The following DLG1 variants were observed in gnomAD, a reference collection of about 807,000 sequenced individuals.
DLG1 encodes discs large MAGUK scaffold protein 1.
DLG1 carries 42 observed loss-of-function variants against 123.4 expected under a neutral mutation model. That is an observed-to-expected ratio of 0.34 (90% CI 0.27 to 0.44). The LOEUF (loss-of-function observed/expected upper bound fraction) is 0.44, where lower values mean the gene tolerates loss of function less well. DLG1 is among the 20% of genes least tolerant of loss of function. The pLI, the probability that DLG1 is intolerant of heterozygous loss-of-function variation, is 1.00. For synonymous variants in DLG1, 317 were observed against 356.2 expected, an observed-to-expected ratio of 0.89 and a Z score of 1.24; for missense variants, 942 against 1,082.6, an observed-to-expected ratio of 0.87 and a Z score of 1.82.
intron 4 of DLG1, among the ~76,000 whole-genome samples, chr3:197,270,493 T>C (rs1028030043): frequency 4.6e-5 from 7 of 152,070 alleles, no homozygotes; most frequent in Non-Finnish European, 8.8e-5. Context: ...CAGAAGTTCA[T>C]CCCTAGTTGA....
rs147473394 is a variant in DLG1, at chr3:197,191,374, G to A, written c.483+3051C>T. ...TAGAATGAGCATTTTAGGCAACAAC[G>A]GAAAGCTGAGGTTTCATGAGATTTA... On this transcript the variant is annotated intron_variant, in intron 5 of 24. Coordinates refer to ENST00000667157, the MANE Select transcript of DLG1 (RefSeq NM_001366207.1). Among the ~76,000 whole-genome samples the A allele has an allele frequency of 3.3e-3, 498 of 152,176 alleles. 4 individuals carry two copies. In the Middle Eastern group the frequency reaches 0.037, roughly 11 times the overall value.
chr3:197,165,890 A>C (rs1801158037), intron 5 of DLG1, among the ~76,000 whole-genome samples: 1 of 152,240 alleles, frequency 6.6e-6, no homozygotes, highest in Non-Finnish European at 1.5e-5. Flanking sequence ...AGAGAAGTAA[A>C]CAATATAAGG....
At position 197,149,802 on chromosome 3, in the gene DLG1, A is replaced by C; in HGVS notation, c.484-6T>G. 3.8e-6 allele frequency: 6 copies of C among 1,567,100 alleles called. No individual in the cohort carries two copies. Among genetic ancestry groups the C allele is most frequent in the Non-Finnish European group, 5.3e-6 (6 of 1,140,844 alleles). On this transcript the variant is annotated splice_region_variant and splice_polypyrimidine_tract_variant and intron_variant, in intron 5 of 24. Transcript: ENST00000667157. The stretch of plus-strand genomic sequence containing the variant: ...AGTACTGGGGGAGGATTTGCCTTTA[A>C]GAAGAAATTGTAAATGTGTTAACAA...
Position 197,193,555 on chromosome 3 carries a change from G to A in DLG1, c.483+870C>T, listed in dbSNP as rs1720793073. Among the ~76,000 whole-genome samples, 6 of 152,024 alleles carry A rather than the reference G, an allele frequency of 3.9e-5. No homozygotes were observed. The South Asian group carries it at 1.2e-3, about 31-fold the overall frequency. On this transcript the variant is annotated intron_variant, in intron 5 of 24. Coordinates refer to ENST00000667157, the MANE Select transcript of DLG1 (RefSeq NM_001366207.1). Reference sequence around the variant, plus strand: ...TCCATCAAAAGTAAAATAAATTGTAGTATATTCATAAAATAGAAAACTCTA... The same window carrying A: ...TCCATCAAAAGTAAAATAAATTGTAATATATTCATAAAATAGAAAACTCTA...
chr3:197,219,167 A>C (rs185476679), intron 4 of DLG1, among the ~76,000 whole-genome samples: 182 of 152,206 alleles, frequency 1.2e-3, no homozygotes, highest in African/African-American at 4.2e-3. Context: ...ATTAAAACTC[A>C]GATTACCAAA....
intron 5 of DLG1, among the ~76,000 whole-genome samples, chr3:197,178,987 G>C (rs142294692): frequency 6.6e-6 from 1 of 152,316 alleles, no homozygotes; most frequent in African/African-American, 2.4e-5. Context: ...AGAAGTTCTT[G>C]AACAACCAAA....
intron 5 of DLG1, among the ~76,000 whole-genome samples, chr3:197,174,362 CAA>C (rs1179214511): frequency 2.0e-5 from 3 of 152,076 alleles, no homozygotes; most frequent in Admixed American, 6.5e-5. Flanking sequence ...AACAAGGAAA[CAA>C]GATATACATA....
chr3:197,297,453 G>A (rs1338521909), intron 1 of DLG1: 8 of 1,370,564 alleles, frequency 5.8e-6, no homozygotes, highest in Non-Finnish European at 6.6e-6. Context: ...GACAGAAGTC[G>A]GCTTCCAAAC....
At chr3:197,158,658 GC>G (rs1448359936) in intron 5 of DLG1, among the ~76,000 whole-genome samples, 52 of 56,460 alleles carry the variant, frequency 9.2e-4, no homozygotes, top group Non-Finnish European at 1.5e-3. Context: ...AAAAAAAAAA[GC>G]CCAGAGGCAG....
At position 197,043,557 on chromosome 3, in the gene DLG1, A is replaced by C. The variant is rs578101798; in HGVS notation, c.*1066T>G. ...AAAAGTTAGGAGTAGGTGGCAAAAGAAACAAAATATATTTTAAATATATAT... is the reference window on the plus strand; with the variant it reads ...AAAAGTTAGGAGTAGGTGGCAAAAGCAACAAAATATATTTTAAATATATAT... On this transcript the variant is annotated 3_prime_UTR_variant, in exon 25 of 25. Transcript: ENST00000667157. 19 of 152,058 alleles carry C rather than the reference A, an allele frequency of 1.2e-4. No homozygotes were observed. In the East Asian group the frequency reaches 1.3e-3, roughly 11 times the overall value. 9.4% of individuals were successfully genotyped at this position (152,058 alleles called of 1,614,324 possible). A position where few individuals can be genotyped will look rare whatever the true frequency, so the allele number is the denominator to read the frequency against.
At chr3:197,078,132 C>T (rs556911670) in intron 17 of DLG1, among the ~76,000 whole-genome samples, 2 of 122,238 alleles carry the variant, frequency 1.6e-5, no homozygotes, top group Admixed American at 1.8e-4. Context: ...GGCAACATGG[C>T]GAAACCCCAT....
chr3:197,126,506 T>C (rs1016048065), intron 11 of DLG1, among the ~76,000 whole-genome samples: 2 of 151,760 alleles, frequency 1.3e-5, no homozygotes, highest in African/African-American at 4.8e-5. Context: ...AGGGCACTAA[T>C]ACTCAATTCG....
chr3:197,148,587 A>C (rs1792310893), intron 6 of DLG1, among the ~76,000 whole-genome samples: 1 of 152,126 alleles, frequency 6.6e-6, no homozygotes, highest in Non-Finnish European at 1.5e-5. Flanking sequence ...CAATGCGGAA[A>C]GAATAGTCTT....
At position 197,066,692 on chromosome 3, in the gene DLG1, G is replaced by C. The variant is rs1739836933; in HGVS notation, c.2098+12C>G. On this transcript the variant is annotated intron_variant, in intron 20 of 24. Transcript: ENST00000667157. The stretch of plus-strand genomic sequence containing the variant: ...TCTAGAAGGTTATAAAACATCAATA[G>C]GCTTCACAAACCTTCTTGTTGATTC... 1.9e-6 allele frequency: 3 copies of C among 1,581,998 alleles called. No homozygotes were observed. The highest frequency in any genetic ancestry group is 2.6e-6 in the Non-Finnish European group (3 of 1,154,362).
chr3:197,237,008 AAAC>A (rs552515091), intron 4 of DLG1, among the ~76,000 whole-genome samples: 171 of 152,338 alleles, frequency 1.1e-3, no homozygotes, highest in African/African-American at 3.2e-3. Context: ...CAAAAAACAA[AAAC>A]AACCCACAAT....
In DLG1 at chr3:197,282,660, AAC is replaced by A; in HGVS notation, c.318+17_318+18del. On this transcript the variant is annotated intron_variant, in intron 4 of 24. Coordinates refer to ENST00000667157, the MANE Select transcript of DLG1 (RefSeq NM_001366207.1). ...ATTGATCACCAAAAAACAGCTTCAG[AAC>A]ACATTTTTTATCTCACCTCTACACT... 1 of 1,494,510 alleles carries A rather than the reference AAC, an allele frequency of 6.7e-7. No homozygotes were observed. The highest frequency in any genetic ancestry group is 8.9e-7 in the Non-Finnish European group (1 of 1,124,106). 92.6% of individuals were successfully genotyped at this position (1,494,510 alleles called of 1,614,324 possible).
At chr3:197,142,890 A>G (rs1788760571) in intron 6 of DLG1, 122 bp from the exon 7 acceptor site, 1 of 683,366 alleles carries the variant, frequency 1.5e-6, no homozygotes, top group East Asian at 2.8e-5. Context: ...CAAACACAAT[A>G]GCTTCATTTT....
At chr3:197,173,668 T>A (rs185008638) in intron 5 of DLG1, among the ~76,000 whole-genome samples, 2 of 152,280 alleles carry the variant, frequency 1.3e-5, no homozygotes, top group African/African-American at 4.8e-5. Context: ...AGATCAGGGG[T>A]TAGCAAACAT....
At position 197,060,067 on chromosome 3, in the gene DLG1, T is replaced by C. The variant is rs1385191941; in HGVS notation, c.2374-69A>G. On this transcript the variant is annotated intron_variant, in intron 22 of 24. Coordinates refer to ENST00000667157, the MANE Select transcript of DLG1 (RefSeq NM_001366207.1). ...TTCTCAATAATATCAAAGGTACTTT[T>C]CCTACAGGTCCACAGTCTAAATCAT... 3 of 1,076,552 alleles carry C rather than the reference T, an allele frequency of 2.8e-6. No homozygotes were observed. In the East Asian group the frequency reaches 7.2e-5, roughly 26 times the overall value. The allele number at this position is 1,076,552 out of a possible 1,614,324, so 66.7% of individuals were successfully genotyped here. A position where few individuals can be genotyped will look rare whatever the true frequency, so the allele number is the denominator to read the frequency against.
Sources: allele counts gnomAD v4.1 joint callset (sites outside exome capture counted in the v4.1 genomes callset), GRCh38; gene constraint gnomAD v4.1.1; transcripts MANE v1.5; gene names NCBI Gene and HGNC (gene_info 2026-07-23, HGNC 2026-07-21).